Variants in TNIP3 observed in about 807,000 individuals in gnomAD.
TNIP3 encodes the protein TNFAIP3-interacting protein 3.
TNIP3 carries 34 observed loss-of-function variants against 54.1 expected under a neutral mutation model. The ratio of observed to expected loss-of-function variants is 0.63; its 90% CI spans 0.48 to 0.84. TNIP3 has a LOEUF of 0.84. Ranked by LOEUF, TNIP3 falls within the 40% of genes least tolerant of loss-of-function variation. TNIP3 has a pLI of 0.00. For missense variants in TNIP3, 366 were observed against 387.6 expected, an observed-to-expected ratio of 0.94 and a Z score of 0.47; for synonymous variants, 134 against 136.8, an observed-to-expected ratio of 0.98 and a Z score of 0.14.
intron 6 of TNIP3, among the ~76,000 whole-genome samples, chr4:121,147,508 T>C (rs1729502009): frequency 6.6e-6 from 1 of 152,218 alleles, no homozygotes; most frequent in South Asian, 2.1e-4. Context: ...GCATGATTGT[T>C]AAAAGGTATT....
upstream of TNIP3, chr4:121,164,360 T>C: frequency 2.4e-6 from 3 of 1,276,364 alleles, no homozygotes; most frequent in South Asian, 6.6e-5. Context: ...TAACTTTTCT[T>C]CTCTTCCAAA....
At chr4:121,175,102 CT>C (rs1351696425) in intron 3 of TNIP3, among the ~76,000 whole-genome samples, 2 of 152,156 alleles carry the variant, frequency 1.3e-5, no homozygotes, top group Non-Finnish European at 1.5e-5. Context: ...TATGGTACCT[CT>C]CAAGCCCAAT....
At chr4:121,207,056 GA>G (rs1178461856) in intron 2 of TNIP3, among the ~76,000 whole-genome samples, 3 of 152,072 alleles carry the variant, frequency 2.0e-5, no homozygotes, top group African/African-American at 7.2e-5. Context: ...GTTTTCATTG[GA>G]AAAAAACAGT....
At chr4:121,150,347 C>A (rs1429930636) in intron 5 of TNIP3, 128 bp from the exon 6 acceptor site, 4 of 497,548 alleles carry the variant, frequency 8.0e-6, no homozygotes, top group Non-Finnish European at 1.4e-5. Context: ...GCTTACATAA[C>A]CAAGTAACTT....
intron 7 of TNIP3, 102 bp from the exon 8 acceptor site, chr4:121,142,878 T>A: frequency 1.1e-6 from 1 of 917,694 alleles, no homozygotes; most frequent in Admixed American, 2.5e-5. Flanking sequence ...ACAGCAGTAA[T>A]ACCAACAAAA....
At chr4:121,201,096 C>G (rs766424501) in intron 2 of TNIP3, among the ~76,000 whole-genome samples, 4 of 152,126 alleles carry the variant, frequency 2.6e-5, no homozygotes, top group Non-Finnish European at 4.4e-5. Flanking sequence ...TGAATGGACT[C>G]TAAGCTATGT....
In TNIP3 at chr4:121,158,699, T is replaced by A; in HGVS notation, c.201A>T (p.Leu67Phe). The A allele has an allele frequency of 4.3e-6, 7 of 1,612,754 alleles. No homozygotes were observed. Among genetic ancestry groups the A allele is most frequent in the Non-Finnish European group, 5.9e-6 (7 of 1,179,280 alleles). The change falls in exon 3 of 11, where the codon TTA (leucine) becomes TTT (phenylalanine). Residue 67 changes from leucine to phenylalanine, a missense_variant. Leu to Phe is a conservative substitution (Grantham distance 22). Transcript: ENST00000057513. ...GAGAGGTATTTACCTTTCTTTCATA[T>A]AACTCTTTCATACTTCTAAATTGCT... ...WDQQFRSMKE[L>F]YERKVAELKT...
intron 7 of TNIP3, among the ~76,000 whole-genome samples, chr4:121,143,424 C>T (rs1171236022): frequency 2.0e-5 from 3 of 152,208 alleles, no homozygotes; most frequent in South Asian, 2.1e-4. Flanking sequence ...TCCTACACTC[C>T]ATGTCCCACA....
chr4:121,153,698 G>A (rs1729901058), intron 5 of TNIP3, among the ~76,000 whole-genome samples: 1 of 152,098 alleles, frequency 6.6e-6, no homozygotes, highest in Admixed American at 6.6e-5. Flanking sequence ...ATACTTTGAG[G>A]ATCTTTAAAT....
intron 9 of TNIP3, 26 bp from the exon 10 acceptor site, chr4:121,138,710 A>G (rs1199621243): frequency 9.4e-6 from 15 of 1,601,296 alleles, no homozygotes; most frequent in African/African-American, 1.3e-5. Flanking sequence ...CAACATTATT[A>G]TAGCAATATG....
intron 3 of TNIP3, among the ~76,000 whole-genome samples, chr4:121,171,447 A>G (rs1015018862): frequency 6.6e-6 from 1 of 152,222 alleles, no homozygotes; most frequent in Non-Finnish European, 1.5e-5. Context: ...ATATGTGTAT[A>G]CCATACAATT....
upstream of TNIP3, chr4:121,227,483 T>C: frequency 1.9e-6 from 2 of 1,063,950 alleles, no homozygotes; most frequent in Non-Finnish European, 2.7e-6. Context: ...AAACAGTAAC[T>C]AAGTGGTTTA....
intron 8 of TNIP3, among the ~76,000 whole-genome samples, chr4:121,142,230 T>C (rs138052576): frequency 8.5e-5 from 13 of 152,284 alleles, no homozygotes; most frequent in Middle Eastern, 3.4e-3. Flanking sequence ...AATCTATTCA[T>C]TGAGTCATAA....
intron 1 of TNIP3, chr4:121,216,551 A>C: frequency 6.5e-7 from 1 of 1,531,044 alleles, no homozygotes; most frequent in African/African-American, 1.4e-5. Context: ...CGTCAAGGGA[A>C]GTTAACTATG....
intron 2 of TNIP3, among the ~76,000 whole-genome samples, chr4:121,183,970 C>G (rs1361318584): frequency 1.3e-5 from 2 of 152,096 alleles, no homozygotes; most frequent in Non-Finnish European, 2.9e-5. Context: ...TTGAAACCAT[C>G]CTACCCCCTG....
intron 4 of TNIP3, among the ~76,000 whole-genome samples, chr4:121,154,888 C>T (rs1431983690): frequency 6.6e-6 from 1 of 151,386 alleles, no homozygotes; most frequent in South Asian, 2.1e-4. Context: ...TTGAAGGAAT[C>T]TTTCTTTTAT....
Position 121,142,198 on chromosome 4 carries a change from A to T in TNIP3, c.787-284T>A, listed in dbSNP as rs75823990. Among the ~76,000 whole-genome samples, 3 of 152,274 alleles carry T rather than the reference A, an allele frequency of 2.0e-5. No individual in the cohort carries two copies. In the East Asian group the frequency reaches 5.8e-4, roughly 29 times the overall value. The stretch of plus-strand genomic sequence containing the variant: ...AACTTTATGTTTTTGAGTTATCTTT[A>T]TTGAGGGCCCTCAATGAAGAAAATC... On this transcript the variant is annotated intron_variant, in intron 8 of 10. Transcript: ENST00000057513.
At chr4:121,150,359 C>A (rs1162336260) in intron 5 of TNIP3, 140 bp from the exon 6 acceptor site, 2 of 471,104 alleles carry the variant, frequency 4.2e-6, no homozygotes, top group Non-Finnish European at 7.6e-6. Context: ...AAGTAACTTT[C>A]TTCTTTCTGA....
chr4:121,161,072 A>C, intron 2 of TNIP3, 64 bp downstream of exon 2: 1 of 1,243,652 alleles, frequency 8.0e-7, no homozygotes, highest in Non-Finnish European at 1.1e-6. Flanking sequence ...CAAGGATAAT[A>C]CATTATTTTA....
Sources: gnomAD v4.1 joint callset for allele counts (sites outside exome capture counted in the v4.1 genomes callset) on GRCh38, gnomAD v4.1.1 for gene constraint, MANE v1.5 for transcripts, NCBI Gene and HGNC (gene_info 2026-07-23, HGNC 2026-07-21) for gene names.